PLCL1: variants seen among roughly 807,000 people sequenced by gnomAD.
PLCL1 encodes the protein inactive phospholipase C-like protein 1.
In PLCL1, 41 loss-of-function variants were observed where a neutral mutation model predicts 84.4. The observed-to-expected ratio is 0.49, with a 90% CI of 0.38 to 0.63. The LOEUF is 0.63. Ranked by LOEUF, PLCL1 falls within the 30% of genes least tolerant of loss-of-function variation. The probability of loss-of-function intolerance (pLI) is 0.00; values close to 1 mark genes in which losing one functional copy is unlikely to be tolerated. For missense variants in PLCL1, 1,206 were observed against 1,367.8 expected, an observed-to-expected ratio of 0.88 and a Z score of 1.87; for synonymous variants, 490 against 488.3, an observed-to-expected ratio of 1.00 and a Z score of -0.05.
chr2:198,093,228 T>C (rs541923516), intron 3 of PLCL1, among the ~76,000 whole-genome samples: 2 of 152,226 alleles, frequency 1.3e-5, no homozygotes, highest in African/African-American at 4.8e-5. Context: ...CATGTCATTA[T>C]ACACTAGTCA....
chr2:197,843,111 G>A (rs1687043932), intron 1 of PLCL1, among the ~76,000 whole-genome samples: 1 of 152,120 alleles, frequency 6.6e-6, no homozygotes, highest in Admixed American at 6.6e-5. Context: ...ATGGCAAATA[G>A]ATTTCATCTT....
chr2:198,128,859 G>T (rs1694053719), intron 5 of PLCL1, among the ~76,000 whole-genome samples: 1 of 152,174 alleles, frequency 6.6e-6, no homozygotes, highest in Non-Finnish European at 1.5e-5. Context: ...AGTCATTTAA[G>T]TTGGATCTCT....
intron 5 of PLCL1, among the ~76,000 whole-genome samples, chr2:198,145,193 T>C (rs762289019): frequency 9.9e-5 from 15 of 152,156 alleles, no homozygotes; most frequent in Non-Finnish European, 2.1e-4. Context: ...TTTAAATTTA[T>C]GTTCTGGGAT....
chr2:197,979,560 C>T (rs1386376757), intron 1 of PLCL1, among the ~76,000 whole-genome samples: 1 of 152,192 alleles, frequency 6.6e-6, no homozygotes, highest in Non-Finnish European at 1.5e-5. Flanking sequence ...TCTGGTGGGG[C>T]CACTTCTCTG....
chr2:197,967,207 T>A (rs527415800), intron 1 of PLCL1, among the ~76,000 whole-genome samples: 45 of 151,812 alleles, frequency 3.0e-4, no homozygotes, highest in African/African-American at 1.0e-3. Context: ...TATTTATTTA[T>A]TTTTTTTGGA....
chr2:198,142,806 T>C (rs1333005845), intron 5 of PLCL1, among the ~76,000 whole-genome samples: 2 of 152,074 alleles, frequency 1.3e-5, no homozygotes, highest in South Asian at 2.1e-4. Context: ...TCTTTTTTTT[T>C]TTTCATGAAG....
At chr2:197,820,559 G>T (rs560569955) in intron 1 of PLCL1, among the ~76,000 whole-genome samples, 1 of 152,204 alleles carries the variant, frequency 6.6e-6, no homozygotes, top group African/African-American at 2.4e-5. Flanking sequence ...ATTTTTCATT[G>T]CATGAAGCCT....
At chr2:198,020,186 G>T (rs964990341) in intron 1 of PLCL1, among the ~76,000 whole-genome samples, 1 of 152,172 alleles carries the variant, frequency 6.6e-6, no homozygotes, top group African/African-American at 2.4e-5. Flanking sequence ...ATAATCAAAT[G>T]CTGAGGGATT....
Position 198,074,787 on chromosome 2 carries a change from T to C in PLCL1, c.241-8971T>C, listed in dbSNP as rs188931501. Among the ~76,000 whole-genome samples the C allele has an allele frequency of 3.8e-3, 579 of 152,352 alleles. 5 individuals carry two copies. The highest frequency in any genetic ancestry group is 0.013 in the African/African-American group (554 of 41,588). ...ATGAACTCTATTTAATAATGTCTTATTCCCGTTGATATTTTAATTTTTCAG... is the reference window on the plus strand; with the variant it reads ...ATGAACTCTATTTAATAATGTCTTACTCCCGTTGATATTTTAATTTTTCAG... On this transcript the variant is annotated intron_variant, in intron 1 of 5. Coordinates refer to ENST00000428675, the MANE Select transcript of PLCL1 (RefSeq NM_006226.4).
chr2:197,820,578 C>T (rs1690796327), intron 1 of PLCL1, among the ~76,000 whole-genome samples: 1 of 151,976 alleles, frequency 6.6e-6, no homozygotes, highest in South Asian at 2.1e-4. Context: ...CTGTTAAAAG[C>T]CAGAAGAGAA....
chr2:197,835,904 A>G (rs771226460), intron 1 of PLCL1, among the ~76,000 whole-genome samples: 3 of 152,200 alleles, frequency 2.0e-5, no homozygotes, highest in Non-Finnish European at 4.4e-5. Flanking sequence ...AGACTACTAC[A>G]GTGTAATGAT....
At chr2:197,853,973 G>A (rs2105685467) in intron 1 of PLCL1, among the ~76,000 whole-genome samples, 1 of 152,166 alleles carries the variant, frequency 6.6e-6, no homozygotes, top group Admixed American at 6.5e-5. Context: ...AGTTCCTCAG[G>A]GTGTGTTCCT....
chr2:197,978,714 C>T (rs1045605474), intron 1 of PLCL1, among the ~76,000 whole-genome samples: 3 of 152,224 alleles, frequency 2.0e-5, no homozygotes, highest in Admixed American at 2.0e-4. Flanking sequence ...TCTGGCAGCT[C>T]AGCGTAGCTC....
intron 1 of PLCL1, chr2:197,810,210 T>C (rs2106413839): frequency 1.5e-6 from 1 of 677,388 alleles, no homozygotes; most frequent in Non-Finnish European, 2.1e-6. Flanking sequence ...TTCTCTCAAA[T>C]TGCCATAGTA....
intron 2 of PLCL1, among the ~76,000 whole-genome samples, chr2:198,087,096 C>T (rs1430470354): frequency 6.6e-6 from 1 of 152,020 alleles, no homozygotes; most frequent in African/African-American, 2.4e-5. Flanking sequence ...AAATATTTAA[C>T]CTTGTCTTAG....
rs1199440967 is a variant in PLCL1 at position 198,035,813 on chromosome 2, T to C, written c.241-47945T>C. Among the ~76,000 whole-genome samples the C allele has an allele frequency of 3.3e-5, 5 of 152,336 alleles. 1 individual carries two copies. In the South Asian group the frequency reaches 1.0e-3, roughly 32 times the overall value. On this transcript the variant is annotated intron_variant, in intron 1 of 5. Transcript: ENST00000428675. Reference sequence around the variant, plus strand: ...ACTTTGGGAGGCCAAGGCGGGCAGATCACCTGAGGTCAGGAGTTTGAGACC... The same window carrying C: ...ACTTTGGGAGGCCAAGGCGGGCAGACCACCTGAGGTCAGGAGTTTGAGACC...
chr2:197,905,746 C>T (rs952318575), intron 1 of PLCL1, among the ~76,000 whole-genome samples: 1 of 152,170 alleles, frequency 6.6e-6, no homozygotes, highest in Non-Finnish European at 1.5e-5. Flanking sequence ...TTCCTAACTT[C>T]CTAATAATCG....
chr2:197,945,778 A>G (rs1204721519), intron 1 of PLCL1, among the ~76,000 whole-genome samples: 1 of 152,238 alleles, frequency 6.6e-6, no homozygotes, highest in Non-Finnish European at 1.5e-5. Context: ...TAAGTGCTAG[A>G]TAAACAGTAG....
intron 5 of PLCL1, among the ~76,000 whole-genome samples, chr2:198,109,593 A>T (rs1693567132): frequency 6.6e-6 from 1 of 151,908 alleles, no homozygotes; most frequent in Non-Finnish European, 1.5e-5. Flanking sequence ...GAGAGTTCTG[A>T]AGATCTCTTG....
Sources: allele counts gnomAD v4.1 joint callset (sites outside exome capture counted in the v4.1 genomes callset), GRCh38; gene constraint gnomAD v4.1.1; transcripts MANE v1.5; gene names NCBI Gene and HGNC (gene_info 2026-07-23, HGNC 2026-07-21).